The following RABGAP1L variants were observed in gnomAD, a reference collection of about 807,000 sequenced individuals.
The protein encoded by RABGAP1L is rab GTPase-activating protein 1-like.
Under a neutral mutation model 137.7 loss-of-function variants are expected in RABGAP1L, and 63 were observed. The observed-to-expected ratio is 0.46, with a 90% CI of 0.37 to 0.56. The LOEUF (loss-of-function observed/expected upper bound fraction) is 0.56, where lower values mean the gene tolerates loss of function less well. Among genes scored for constraint, RABGAP1L ranks in the 20% least tolerant of loss-of-function variants. RABGAP1L has a pLI of 0.00. For missense variants in RABGAP1L, 1,095 were observed against 1,244.0 expected, an observed-to-expected ratio of 0.88 and a Z score of 1.80; for synonymous variants, 431 against 433.7, an observed-to-expected ratio of 0.99 and a Z score of 0.08.
At position 174,243,815 on chromosome 1, in the gene RABGAP1L, C is replaced by T. The variant is rs149820301; in HGVS notation, c.717+2158C>T. Among the ~76,000 whole-genome samples, 854 of 152,222 alleles carry T rather than the reference C, an allele frequency of 5.6e-3. 10 individuals are homozygous for T. Among genetic ancestry groups the T allele is most frequent in the African/African-American group, 0.019 (804 of 41,528 alleles). Reference sequence around the variant, plus strand: ...TGGTTACCCTTTGTTTATCCTGTGGCTAAGAGACTGGGTGATAGAGCTGGG... The same window carrying T: ...TGGTTACCCTTTGTTTATCCTGTGGTTAAGAGACTGGGTGATAGAGCTGGG... On this transcript the variant is annotated intron_variant, in intron 5 of 25. Coordinates refer to ENST00000681986, the MANE Select transcript of RABGAP1L (RefSeq NM_001366446.1).
At chr1:174,597,248 T>G (rs571938664) in intron 13 of RABGAP1L, among the ~76,000 whole-genome samples, 18 of 152,304 alleles carry the variant, frequency 1.2e-4, no homozygotes, top group African/African-American at 4.3e-4. Context: ...AGTTTGGAAG[T>G]ATTCACTCCT....
intron 13 of RABGAP1L, among the ~76,000 whole-genome samples, chr1:174,632,263 G>T (rs1419258096): frequency 6.8e-6 from 1 of 146,418 alleles, no homozygotes; most frequent in Non-Finnish European, 1.5e-5. Context: ...CGAGAGATCC[G>T]CTGTTAGTCT....
chr1:174,234,699 G>A (rs1411422377), intron 4 of RABGAP1L, among the ~76,000 whole-genome samples: 1 of 150,602 alleles, frequency 6.6e-6, no homozygotes, highest in East Asian at 1.9e-4. Context: ...GTCAGGTAGT[G>A]TGATGCCTCC....
chr1:174,491,778 C>T (rs1255720807), intron 13 of RABGAP1L, among the ~76,000 whole-genome samples: 2 of 152,174 alleles, frequency 1.3e-5, no homozygotes, highest in African/African-American at 4.8e-5. Context: ...GGGTGATTCC[C>T]ATCTGGCTAG....
At chr1:174,922,034 A>G (rs976194222) in intron 19 of RABGAP1L, 1 of 152,176 alleles carries the variant, frequency 6.6e-6, no homozygotes, top group African/African-American at 2.4e-5. Flanking sequence ...CAATTTTTTT[A>G]AGTATAATTT....
chr1:174,617,718 A>G (rs1033757674), intron 13 of RABGAP1L, among the ~76,000 whole-genome samples: 2 of 152,206 alleles, frequency 1.3e-5, no homozygotes, highest in Non-Finnish European at 1.5e-5. Flanking sequence ...AGGATTTTTA[A>G]AACATATACA....
chr1:174,922,240 A>C (rs555032620), intron 19 of RABGAP1L: 1 of 153,674 alleles, frequency 6.5e-6, no homozygotes, highest in African/African-American at 2.4e-5. Flanking sequence ...AGTTTTACAT[A>C]CATCTTGGGA....
At position 174,925,168 on chromosome 1, in the gene RABGAP1L, A is replaced by AAGAGG. The variant is rs1553282524; in HGVS notation, c.2341-32289_2341-32288insAGAGG. Among the ~76,000 whole-genome samples the AAGAGG allele has an allele frequency of 5.1e-4, 77 of 152,104 alleles. 1 individual carries two copies. In the East Asian group the frequency reaches 6.4e-3, roughly 13 times the overall value. On this transcript the variant is annotated intron_variant, in intron 19 of 25. Transcript: ENST00000681986. ...ATCACAAGGTCAGTAGATTGAGACC[A>AAGAGG]TCCTGGCTAACACGGTGAAACCCCG...
At chr1:174,860,131 A>T (rs566589736) in intron 19 of RABGAP1L, among the ~76,000 whole-genome samples, 1 of 152,164 alleles carries the variant, frequency 6.6e-6, no homozygotes, top group African/African-American at 2.4e-5. Context: ...TGTGGTTCTT[A>T]TATGGCCCTC....
intron 13 of RABGAP1L, among the ~76,000 whole-genome samples, chr1:174,415,189 G>C (rs1483396497): frequency 1.3e-5 from 2 of 151,994 alleles, no homozygotes; most frequent in Non-Finnish European, 2.9e-5. Flanking sequence ...ATGTTGCAAT[G>C]TTAAAATAAT....
intron 14 of RABGAP1L, among the ~76,000 whole-genome samples, chr1:174,677,947 A>C (rs137907660): frequency 1.3e-5 from 2 of 152,282 alleles, no homozygotes; most frequent in African/African-American, 4.8e-5. Flanking sequence ...TATTTAAAAA[A>C]GAAAAAGATA....
At chr1:174,631,382 G>T (rs2148313618) in intron 13 of RABGAP1L, among the ~76,000 whole-genome samples, 1 of 135,208 alleles carries the variant, frequency 7.4e-6, no homozygotes, top group East Asian at 2.0e-4. Flanking sequence ...GAATTGGGGT[G>T]GAGAGTTCTG....
intron 11 of RABGAP1L, among the ~76,000 whole-genome samples, chr1:174,366,115 A>C (rs1308372493): frequency 6.6e-6 from 1 of 152,226 alleles, no homozygotes; most frequent in African/African-American, 2.4e-5. Flanking sequence ...CTTCTCAAGA[A>C]GTCTAGCACT....
intron 20 of RABGAP1L, among the ~76,000 whole-genome samples, chr1:174,967,484 T>C (rs1466621545): frequency 1.3e-5 from 2 of 151,882 alleles, no homozygotes; most frequent in Admixed American, 6.6e-5. Context: ...ATTACAGGTG[T>C]GTATCACCAC....
In RABGAP1L at chr1:174,879,276, T is replaced by G. The variant is rs191476146; in HGVS notation, c.2340+67316T>G. ...CCACCATGCCCAGCTAATTTTTGTA[T>G]TTTAGTAGAGACAGGGTTTCACCAT... is the stretch of plus-strand genomic sequence containing the variant. On this transcript the variant is annotated intron_variant, in intron 19 of 25. Transcript: ENST00000681986. Among the ~76,000 whole-genome samples the G allele has an allele frequency of 1.5e-3, 222 of 152,154 alleles. 2 individuals carry two copies. The highest frequency in any genetic ancestry group is 2.5e-3 in the Non-Finnish European group (172 of 67,960).
At chr1:174,185,502 A>G (rs1666728272) in intron 1 of RABGAP1L, among the ~76,000 whole-genome samples, 1 of 152,186 alleles carries the variant, frequency 6.6e-6, no homozygotes, top group African/African-American at 2.4e-5. Flanking sequence ...TTTATTTTAA[A>G]ATGCTGGTTA....
At chr1:174,276,067 TTTTATTC>T in intron 9 of RABGAP1L, 132 bp downstream of exon 9, 1 of 621,322 alleles carries the variant, frequency 1.6e-6, no homozygotes, top group South Asian at 2.3e-5. Context: ...TGAGGTTCAT[TTTTATTC>T]TTTATGCTTC....
intron 13 of RABGAP1L, among the ~76,000 whole-genome samples, chr1:174,550,891 T>TATAC (rs1553330081): frequency 2.3e-5 from 2 of 86,046 alleles, no homozygotes; most frequent in East Asian, 9.0e-4. Context: ...TATATATATA[T>TATAC]ATATACACAC....
intron 17 of RABGAP1L, among the ~76,000 whole-genome samples, chr1:174,712,906 G>A (rs1181040820): frequency 6.6e-6 from 1 of 152,096 alleles, no homozygotes; most frequent in Non-Finnish European, 1.5e-5. Flanking sequence ...ACGTCCAGCC[G>A]CTTGTGTCTG....
Sources: gnomAD v4.1 joint callset for allele counts (sites outside exome capture counted in the v4.1 genomes callset) on GRCh38, gnomAD v4.1.1 for gene constraint, MANE v1.5 for transcripts, NCBI Gene and HGNC (gene_info 2026-07-23, HGNC 2026-07-21) for gene names.